The following ZNF185 variants were observed in gnomAD, a reference collection of about 807,000 sequenced individuals.
ZNF185 encodes the protein zinc finger protein 185 with LIM domain.
A neutral mutation model predicts 58.6 loss-of-function variants in ZNF185; 56 were observed. The ratio of observed to expected loss-of-function variants is 0.95; its 90% CI spans 0.77 to 1.19. The LOEUF (loss-of-function observed/expected upper bound fraction) is 1.19. Ranked by LOEUF, ZNF185 falls within the 50% of genes most tolerant of loss-of-function variation. ZNF185 has a pLI of 0.00. For missense variants in ZNF185, 627 were observed against 573.5 expected (o/e 1.09, Z -0.95); for synonymous variants, 230 against 215.9 (o/e 1.07, Z -0.57).
intron 15 of ZNF185, among the ~76,000 whole-genome samples, chrX:152,938,899 TC>T (rs2046765454): frequency 1.2e-5 from 1 of 83,033 alleles, no homozygotes; most frequent in African/African-American, 6.0e-5. Flanking sequence ...ACTCAGGCGA[TC>T]TCCTCTAAAG....
intron 10 of ZNF185, 127 bp from the exon 12 acceptor site, chrX:152,922,593 C>G: frequency 1.5e-6 from 1 of 648,335 alleles, no homozygotes; most frequent in Admixed American, 3.5e-5. Context: ...AGAGGGCCAG[C>G]CACCATGGCA....
At chrX:152,972,456 C>G (rs1338431696) in exon 23 of ZNF185, 5 of 110,294 alleles carry the variant, frequency 4.5e-5, no homozygotes, top group Admixed American at 3.9e-4. Context: ...AATTATCCCC[C>G]CCCCCATGAA....
intron 11 of ZNF185, 109 bp downstream of exon 12, chrX:152,922,918 C>T: frequency 1.5e-6 from 1 of 653,923 alleles, no homozygotes; most frequent in Non-Finnish European, 2.3e-6. Flanking sequence ...GGTGATGGGG[C>T]AAGGACAGGC....
the ZNF185 span, among the ~76,000 whole-genome samples, chrX:152,903,966 G>A: frequency 1.8e-5 from 2 of 111,981 alleles, no homozygotes; most frequent in Non-Finnish European, 3.8e-5. Flanking sequence ...GGGTGGGATG[G>A]GGAGAGGTGA....
intron 16 of ZNF185, among the ~76,000 whole-genome samples, chrX:152,952,630 T>G (rs2048400073): frequency 1.8e-5 from 2 of 109,769 alleles, no homozygotes; most frequent in Non-Finnish European, 3.8e-5. Context: ...GAAGAGTAGA[T>G]AGGGGTATGT....
intron 11 of ZNF185, 72 bp from the exon 13 acceptor site, chrX:152,928,503 C>G: frequency 9.1e-7 from 1 of 1,095,561 alleles, no homozygotes; most frequent in Non-Finnish European, 1.3e-6. Context: ...GGCGGCCCAC[C>G]GCACTCACCA....
At chrX:152,907,786 G>C in the ZNF185 span, among the ~76,000 whole-genome samples, 1 of 113,019 alleles carries the variant, frequency 8.8e-6, no homozygotes, top group Non-Finnish European at 1.9e-5. Context: ...TGCACCACGA[G>C]GGACAGTTCA....
chrX:152,956,654 G>A (rs976739460), intron 16 of ZNF185, among the ~76,000 whole-genome samples: 8 of 111,866 alleles, frequency 7.2e-5, no homozygotes, highest in Non-Finnish European at 3.8e-5. Context: ...CTGGAGAATC[G>A]CCTGAACCCA....
At chrX:152,941,804 C>A in intron 15 of ZNF185, 1 of 1,160,503 alleles carries the variant, frequency 8.6e-7, no homozygotes, top group Non-Finnish European at 1.2e-6. Flanking sequence ...CGAATGGGCC[C>A]GAGGAGCTGG....
intron 15 of ZNF185, among the ~76,000 whole-genome samples, chrX:152,939,020 G>C (rs1218319354): frequency 9.0e-6 from 1 of 111,559 alleles, no homozygotes; most frequent in African/African-American, 3.3e-5. Flanking sequence ...CCAAAGGACA[G>C]AGTGGCTGGA....
In ZNF185 at chrX:152,922,797, G is replaced by A. The variant is rs1434017781; in HGVS notation, c.818G>A (p.Ser273Asn). Residue 273 changes from serine to asparagine, a missense_variant, in exon 11 of 23, where the codon AGC (serine) becomes AAC (asparagine). Transcript: ENST00000449285. ...CCAAGTATGCCTAGCCCCGCTGGGA[G>A]CCAGGAGCTCAGGTGGGTGCCGAGA... is the stretch of plus-strand genomic sequence containing the variant. 4 of 1,194,243 alleles carry A rather than the reference G, an allele frequency of 3.3e-6. No individual in the cohort carries two copies. In the Admixed American group the frequency reaches 9.2e-5, roughly 27 times the overall value.
chrX:152,948,569 G>T (rs1556897328), intron 16 of ZNF185, among the ~76,000 whole-genome samples: 1 of 111,730 alleles, frequency 9.0e-6, no homozygotes, highest in South Asian at 3.8e-4. Flanking sequence ...GTGACCCACT[G>T]GGAGAGGACT....
chrX:152,947,669 T>C (rs2047921443), intron 16 of ZNF185, among the ~76,000 whole-genome samples: 1 of 111,745 alleles, frequency 8.9e-6, no homozygotes, highest in African/African-American at 3.3e-5. Flanking sequence ...GAGCTGGGAG[T>C]TGTCAGCTCA....
At chrX:152,911,141 G>A (rs1419192216), upstream of ZNF185, among the ~76,000 whole-genome samples, 1 of 111,871 alleles carries the variant, frequency 8.9e-6, no homozygotes, top group Non-Finnish European at 1.9e-5. Flanking sequence ...GTTAGGGGAG[G>A]GGAGCACCCA....
At chrX:152,928,754 G>A (rs932182772) in intron 12 of ZNF185, 93 bp downstream of exon 13, 9 of 937,261 alleles carry the variant, frequency 9.6e-6, no homozygotes, top group East Asian at 3.2e-5. Flanking sequence ...GCCTAGGGCC[G>A]GCTCTGCCAC....
chrX:152,948,540 G>A lies in ZNF185; in HGVS notation c.1409+3076G>A, dbSNP rs782603720. Among the ~76,000 whole-genome samples, 5 of 112,037 alleles carry A rather than the reference G, an allele frequency of 4.5e-5. No homozygotes were observed. The South Asian group carries it at 1.9e-3, about 42-fold the overall frequency. On this transcript the variant is annotated intron_variant, in intron 16 of 22. Coordinates refer to ENST00000449285, the Ensembl canonical transcript of ZNF185. The stretch of plus-strand genomic sequence containing the variant: ...TTGTTGTCACAACTCACTGCTGAGG[G>A]GAACTGAGTGAATCCTGTGTGACCC...
upstream of ZNF185, among the ~76,000 whole-genome samples, chrX:152,909,508 C>T (rs1428452044): frequency 8.9e-6 from 1 of 111,999 alleles, no homozygotes; most frequent in Non-Finnish European, 1.9e-5. Flanking sequence ...ATCAGTGGGC[C>T]TCATGTGCCC....
chrX:152,921,622 T>G (rs1336227391), intron 9 of ZNF185, among the ~76,000 whole-genome samples: 1 of 111,427 alleles, frequency 9.0e-6, no homozygotes, highest in Non-Finnish European at 1.9e-5. Flanking sequence ...CAGAAAGGGA[T>G]TCTCTCCCGG....
chrX:152,934,985 G>T (rs1182036854), intron 14 of ZNF185, among the ~76,000 whole-genome samples: 3 of 110,921 alleles, frequency 2.7e-5, no homozygotes, highest in Non-Finnish European at 3.8e-5. Flanking sequence ...CACCACGCCT[G>T]GCTAACTTTT....
Sources: allele counts gnomAD v4.1 joint callset (sites outside exome capture counted in the v4.1 genomes callset), GRCh38; gene constraint gnomAD v4.1.1; transcripts MANE v1.5; gene names NCBI Gene and HGNC (gene_info 2026-07-23, HGNC 2026-07-21).